The following SGSM1 variants were observed in gnomAD, a reference collection of about 807,000 sequenced individuals.
The protein encoded by SGSM1 is RUN and TBC1 domain containing 2.
A neutral mutation model predicts 133.8 loss-of-function variants in SGSM1; 73 were observed. That is an observed-to-expected ratio of 0.55 (90% confidence interval 0.45 to 0.66). The LOEUF (loss-of-function observed/expected upper bound fraction) is 0.66. Ranked by LOEUF, SGSM1 falls within the 30% of genes least tolerant of loss-of-function variation. SGSM1 has a pLI of 0.00. For missense variants in SGSM1, 1,213 were observed against 1,448.1 expected (o/e 0.84, Z 2.64); for synonymous variants, 563 against 573.0 (o/e 0.98, Z 0.25).
intron 16 of SGSM1, among the ~76,000 whole-genome samples, chr22:24,889,225 G>C (rs866287171): frequency 7.9e-5 from 12 of 152,124 alleles, no homozygotes; most frequent in Admixed American, 1.3e-4. Context: ...CTCCCAAAGT[G>C]CTGGGATTAC....
intron 3 of SGSM1, among the ~76,000 whole-genome samples, chr22:24,847,076 G>A (rs901634704): frequency 6.6e-6 from 1 of 152,004 alleles, no homozygotes; most frequent in African/African-American, 2.4e-5. Flanking sequence ...TCCTGACCTC[G>A]CTCTCCAGCA....
rs1225551502 is a variant in SGSM1, at chr22:24,893,516, A to T, written c.1856A>T (p.Glu619Val). 1 of 1,613,122 alleles carries T rather than the reference A, an allele frequency of 6.2e-7. No homozygotes were observed. The highest frequency in any genetic ancestry group is 2.2e-5 in the East Asian group (1 of 44,838). ...CEAIVRQRER[E>V]SHAAALAKCS... is the part of the protein sequence containing the mutation. Reference sequence around the variant, plus strand: ...GCGATCGTGCGGCAGAGGGAGCGGGAGTCCCATGCGGCCGCCCTGGCCAAA... The same window carrying T: ...GCGATCGTGCGGCAGAGGGAGCGGGTGTCCCATGCGGCCGCCCTGGCCAAA... The change falls in exon 17 of 25, where the codon GAG becomes GTG. Residue 619 changes from glutamate to valine, a missense_variant. By Grantham distance (121) the Glu-to-Val change is moderately radical. Transcript: ENST00000400358.
At chr22:24,815,965 A>T (rs916438480) in intron 2 of SGSM1, among the ~76,000 whole-genome samples, 1 of 152,216 alleles carries the variant, frequency 6.6e-6, no homozygotes, top group Non-Finnish European at 1.5e-5. Flanking sequence ...TGGGAGGGTC[A>T]GTTTCTATGT....
At chr22:24,914,053 G>C (rs1305195000) in intron 22 of SGSM1, among the ~76,000 whole-genome samples, 1 of 152,048 alleles carries the variant, frequency 6.6e-6, no homozygotes, top group African/African-American at 2.4e-5. Flanking sequence ...CACTTTGGGA[G>C]GTTGAGGCGG....
At chr22:24,882,015 G>A (rs1024215740) in intron 14 of SGSM1, among the ~76,000 whole-genome samples, 2 of 149,918 alleles carry the variant, frequency 1.3e-5, no homozygotes, top group African/African-American at 5.1e-5. Context: ...GACTTGGGGG[G>A]GGGCCTTTTT....
intron 9 of SGSM1, among the ~76,000 whole-genome samples, chr22:24,860,577 C>G (rs5760700): frequency 1.3e-5 from 2 of 151,996 alleles, no homozygotes; most frequent in African/African-American, 4.8e-5. Context: ...GCCCTGCCCT[C>G]GTGGCCATGA....
In SGSM1 at chr22:24,858,036, G is replaced by A. The variant is rs566610459; in HGVS notation, c.802-1680G>A. Among the ~76,000 whole-genome samples the A allele has an allele frequency of 3.3e-5, 5 of 152,294 alleles. No homozygotes were observed. The South Asian group carries it at 1.0e-3, about 32-fold the overall frequency. On this transcript the variant is annotated intron_variant, in intron 8 of 24. Coordinates refer to ENST00000400358, the MANE Select transcript of SGSM1 (RefSeq NM_001098497.3). ...ACTGTCACCAGGCTGGAGTGCAGTGGTGTGATCATGGCTCACTGCAGCCTC... is the reference window on the plus strand; with the variant it reads ...ACTGTCACCAGGCTGGAGTGCAGTGATGTGATCATGGCTCACTGCAGCCTC...
intron 9 of SGSM1, among the ~76,000 whole-genome samples, chr22:24,866,074 C>T (rs1255093293): frequency 6.6e-6 from 1 of 152,140 alleles, no homozygotes; most frequent in Non-Finnish European, 1.5e-5. Flanking sequence ...TCCATGGCCA[C>T]CACAAAGCCC....
intron 16 of SGSM1, among the ~76,000 whole-genome samples, chr22:24,890,571 C>T (rs753475900): frequency 2.0e-5 from 3 of 151,678 alleles, no homozygotes; most frequent in Non-Finnish European, 4.4e-5. Flanking sequence ...GGTGGAGTCT[C>T]GCTCTGTTGC....
intron 2 of SGSM1, among the ~76,000 whole-genome samples, chr22:24,821,169 C>T (rs1928447727): frequency 6.6e-6 from 1 of 152,150 alleles, no homozygotes; most frequent in South Asian, 2.1e-4. Context: ...CCCGAATAGC[C>T]AGGATGACAG....
intron 16 of SGSM1, among the ~76,000 whole-genome samples, chr22:24,892,525 G>A (rs1480357293): frequency 1.3e-5 from 2 of 152,128 alleles, no homozygotes; most frequent in African/African-American, 4.8e-5. Flanking sequence ...GGTTTTATTT[G>A]TATTGTATCC....
At chr22:24,901,498 A>G (rs925298117) in intron 19 of SGSM1, among the ~76,000 whole-genome samples, 12 of 152,088 alleles carry the variant, frequency 7.9e-5, no homozygotes, top group Admixed American at 3.9e-4. Context: ...CCATTTTGAA[A>G]TTAAGGTACT....
At chr22:24,879,927 C>CAGAAAGAGT (rs1406125439) in intron 14 of SGSM1, among the ~76,000 whole-genome samples, 1 of 152,084 alleles carries the variant, frequency 6.6e-6, no homozygotes, top group African/African-American at 2.4e-5. Context: ...GCAGAAAGAG[C>CAGAAAGAGT]AGAAAGAGTA....
intron 22 of SGSM1, 35 bp downstream of exon 22, chr22:24,912,787 T>A: frequency 2.0e-6 from 3 of 1,510,766 alleles, no homozygotes; most frequent in Non-Finnish European, 2.7e-6. Flanking sequence ...TTTGGACTTT[T>A]TTGGGAAACA....
intron 24 of SGSM1, among the ~76,000 whole-genome samples, chr22:24,923,656 C>T (rs1451914643): frequency 6.6e-6 from 1 of 151,924 alleles, no homozygotes; most frequent in African/African-American, 2.4e-5. Flanking sequence ...GAGTTTCGCT[C>T]TTGTTGCCCA....
intron 20 of SGSM1, among the ~76,000 whole-genome samples, chr22:24,902,965 C>T (rs1222083177): frequency 6.6e-6 from 1 of 152,014 alleles, no homozygotes; most frequent in Non-Finnish European, 1.5e-5. Context: ...TGGCTTGAAC[C>T]TGGGAGGTTG....
At chr22:24,820,183 C>T (rs1928380896) in intron 2 of SGSM1, among the ~76,000 whole-genome samples, 2 of 152,168 alleles carry the variant, frequency 1.3e-5, no homozygotes, top group Non-Finnish European at 2.9e-5. Flanking sequence ...ATGGGCGTGG[C>T]AGCCTGAAGG....
intron 19 of SGSM1, 36 bp from the exon 20 acceptor site, chr22:24,901,797 T>C: frequency 6.2e-7 from 1 of 1,603,440 alleles, no homozygotes; most frequent in African/African-American, 1.3e-5. Flanking sequence ...TGATTTTTCA[T>C]TTCTTCCCCC....
intron 2 of SGSM1, chr22:24,813,756 G>A (rs945889134): frequency 6.6e-6 from 1 of 152,332 alleles, no homozygotes; most frequent in Admixed American, 6.5e-5. Flanking sequence ...GTTCGATGTG[G>A]TGAGGATGGC....
Sources: allele counts gnomAD v4.1 joint callset (sites outside exome capture counted in the v4.1 genomes callset), GRCh38; gene constraint gnomAD v4.1.1; transcripts MANE v1.5; gene names NCBI Gene and HGNC (gene_info 2026-07-23, HGNC 2026-07-21).